THSD7A: variants seen among roughly 807,000 people sequenced by gnomAD.
THSD7A encodes thrombospondin type 1 domain containing 7A, also known as thrombospondin type-1 domain-containing protein 7A.
Under a neutral mutation model 231.3 loss-of-function variants are expected in THSD7A, and 96 were observed. That is an observed-to-expected ratio of 0.41 (90% CI 0.35 to 0.49). The LOEUF is 0.49. Ranked by LOEUF, THSD7A falls within the 20% of genes least tolerant of loss-of-function variation. The probability of loss-of-function intolerance (pLI) is 0.05; values close to 1 mark genes in which losing one functional copy is unlikely to be tolerated. For missense variants in THSD7A, 2,290 were observed against 2,070.2 expected (o/e 1.11, Z -2.06); for synonymous variants, 940 against 743.3 (o/e 1.26, Z -4.30).
chr7:11,523,173 C>G (rs975075277), intron 6 of THSD7A, among the ~76,000 whole-genome samples: 2 of 151,908 alleles, frequency 1.3e-5, no homozygotes, highest in Non-Finnish European at 2.9e-5. Flanking sequence ...TCAAAACGTT[C>G]AAAGCATTAT....
intron 1 of THSD7A, among the ~76,000 whole-genome samples, chr7:11,639,853 T>C (rs1782014263): frequency 6.6e-6 from 1 of 152,128 alleles, no homozygotes; most frequent in Non-Finnish European, 1.5e-5. Context: ...GAAACAGAAC[T>C]ATGCTACACT....
chr7:11,629,443 G>T (rs939091844), intron 2 of THSD7A, among the ~76,000 whole-genome samples: 2 of 152,124 alleles, frequency 1.3e-5, no homozygotes, highest in Admixed American at 6.6e-5. Flanking sequence ...GCAACTCGAC[G>T]CTTTGGATAT....
chr7:11,464,887 A>G (rs1026552527), intron 9 of THSD7A, among the ~76,000 whole-genome samples: 7 of 152,166 alleles, frequency 4.6e-5, no homozygotes, highest in Admixed American at 3.9e-4. Context: ...TGTGTACTCA[A>G]AGTTACAGCG....
intron 1 of THSD7A, among the ~76,000 whole-genome samples, chr7:11,826,699 C>G (rs890883012): frequency 6.6e-6 from 1 of 151,538 alleles, no homozygotes; most frequent in Non-Finnish European, 1.5e-5. Context: ...GTAACCCTAG[C>G]TACTCAGGAG....
chr7:11,430,538 G>A (rs1220193198), intron 13 of THSD7A, among the ~76,000 whole-genome samples: 1 of 152,070 alleles, frequency 6.6e-6, no homozygotes, highest in African/African-American at 2.4e-5. Flanking sequence ...ATAGCTCACT[G>A]CAGCCTTGAC....
chr7:11,760,065 C>T (rs1210037802), intron 1 of THSD7A, among the ~76,000 whole-genome samples: 1 of 151,940 alleles, frequency 6.6e-6, no homozygotes, highest in African/African-American at 2.4e-5. Context: ...AGATTTAAAG[C>T]ATCTCAAGGT....
At chr7:11,792,043 T>C (rs1040570618) in intron 1 of THSD7A, among the ~76,000 whole-genome samples, 1 of 151,954 alleles carries the variant, frequency 6.6e-6, no homozygotes, top group Admixed American at 6.6e-5. Flanking sequence ...AGTTATTCTC[T>C]GTATATTTCC....
At chr7:11,706,630 CT>C (rs66964252) in intron 1 of THSD7A, among the ~76,000 whole-genome samples, 28,346 of 65,702 alleles carry the variant, frequency 0.43, 4,871 homozygotes, top group African/African-American at 0.57. Context: ...TAACAAGGTG[CT>C]TTTTTTTTTT....
At chr7:11,426,643 G>C (rs1322895555) in intron 15 of THSD7A, 23 bp downstream of exon 15, 1 of 1,547,300 alleles carries the variant, frequency 6.5e-7, no homozygotes, top group Non-Finnish European at 8.7e-7. Flanking sequence ...CTATCAAAAA[G>C]CATGAGGTTT....
chr7:11,617,412 C>T lies in THSD7A; in HGVS notation c.1022+18718G>A, dbSNP rs138459961. On this transcript the variant is annotated intron_variant, in intron 2 of 27. Coordinates refer to ENST00000423059, the MANE Select transcript of THSD7A (RefSeq NM_015204.3). ...CCTTCCTCTCATCTTACTAATTGCA[C>T]GTATATTTGTATGTATGTATGTATG... Among the ~76,000 whole-genome samples the T allele has an allele frequency of 1.4e-4, 22 of 152,248 alleles. No individual in the cohort carries two copies. In the East Asian group the frequency reaches 4.0e-3, roughly 28 times the overall value.
At chr7:11,620,336 T>C (rs975324875) in intron 2 of THSD7A, among the ~76,000 whole-genome samples, 2 of 152,184 alleles carry the variant, frequency 1.3e-5, no homozygotes, top group Non-Finnish European at 2.9e-5. Context: ...CCTGTGGCAT[T>C]GCAGTTACTT....
chr7:11,717,108 A>T (rs1781165701), intron 1 of THSD7A, among the ~76,000 whole-genome samples: 1 of 151,524 alleles, frequency 6.6e-6, no homozygotes, highest in African/African-American at 2.4e-5. Flanking sequence ...ATTAACACTG[A>T]TCGTTTGCAA....
At chr7:11,434,880 A>C (rs905936044) in intron 13 of THSD7A, among the ~76,000 whole-genome samples, 4 of 152,028 alleles carry the variant, frequency 2.6e-5, no homozygotes, top group Admixed American at 1.3e-4. Flanking sequence ...TATATATCCA[A>C]ACTCCTATAT....
At position 11,570,405 on chromosome 7, in the gene THSD7A, G is replaced by A. The variant is rs76743649; in HGVS notation, c.1453+20055C>T. ...TGGTTAATGGGGCAAATACACAGGA[G>A]TAAGTTCAAGTTTTCAATAGCACAG... On this transcript the variant is annotated intron_variant, in intron 4 of 27. Coordinates refer to ENST00000423059, the MANE Select transcript of THSD7A (RefSeq NM_015204.3). 2.6e-5 allele frequency among the ~76,000 whole-genome samples: 4 copies of A among 152,072 alleles called. No homozygotes were observed. The East Asian group carries it at 7.7e-4, about 29-fold the overall frequency.
intron 11 of THSD7A, among the ~76,000 whole-genome samples, chr7:11,452,930 CAAAAAAGAGATTAAAAAT>C (rs1237065877): frequency 6.6e-6 from 1 of 151,642 alleles, no homozygotes; most frequent in African/African-American, 2.4e-5. Flanking sequence ...ATATATCAGC[CAAAAAAGAGATTAAAAAT>C]TACGTCTGTA....
chr7:11,494,467 A>T (rs921228662), intron 6 of THSD7A, among the ~76,000 whole-genome samples: 1 of 152,068 alleles, frequency 6.6e-6, no homozygotes. Context: ...AGTTCCAGGT[A>T]AAATAATCTA....
At chr7:11,472,852 A>G (rs976787797) in intron 8 of THSD7A, among the ~76,000 whole-genome samples, 1 of 152,148 alleles carries the variant, frequency 6.6e-6, no homozygotes, top group Non-Finnish European at 1.5e-5. Context: ...AATAACCCTC[A>G]TCCTGCGCCA....
rs536205831 is a variant in THSD7A at position 11,372,028 on chromosome 7, T to G, written c.*3766A>C. 20 of 151,782 alleles carry G rather than the reference T, an allele frequency of 1.3e-4. No homozygotes were observed. Among genetic ancestry groups the G allele is most frequent in the Middle Eastern group, 3.4e-3 (1 of 292 alleles). 9.4% of individuals were successfully genotyped at this position (151,782 alleles called of 1,614,324 possible). A position where few individuals can be genotyped will look rare whatever the true frequency, so the allele number is the denominator to read the frequency against. On this transcript the variant is annotated 3_prime_UTR_variant, in exon 28 of 28. Transcript: ENST00000423059. Reference sequence around the variant, plus strand: ...GGTTGTTGGGGGAGGTAAATAAGTGTGTGAGAGGTCTATTCAATTTCTGTG... The same window carrying G: ...GGTTGTTGGGGGAGGTAAATAAGTGGGTGAGAGGTCTATTCAATTTCTGTG...
Position 11,466,753 on chromosome 7 carries a change from A to C in THSD7A, c.2368+3126T>G, listed in dbSNP as rs550462416. Among the ~76,000 whole-genome samples, 5 of 152,206 alleles carry C rather than the reference A, an allele frequency of 3.3e-5. No homozygotes were observed. In the South Asian group the frequency reaches 1.0e-3, roughly 32 times the overall value. On this transcript the variant is annotated intron_variant, in intron 9 of 27. Transcript: ENST00000423059. ...GCCGCTTAGAGAGCCTCTTGCTTCTAAGAGAGCCGATTCCCGAGTTGGCAT... is the reference window on the plus strand; with the variant it reads ...GCCGCTTAGAGAGCCTCTTGCTTCTCAGAGAGCCGATTCCCGAGTTGGCAT...
Sources: gnomAD v4.1 joint callset for allele counts (sites outside exome capture counted in the v4.1 genomes callset) on GRCh38, gnomAD v4.1.1 for gene constraint, MANE v1.5 for transcripts, NCBI Gene and HGNC (gene_info 2026-07-23, HGNC 2026-07-21) for gene names.